Variants in RPN1 observed in about 807,000 individuals in gnomAD.
RPN1 encodes the protein dolichyl-diphosphooligosaccharide--protein glycosyltransferase subunit 1.
Under a neutral mutation model 55.5 loss-of-function variants are expected in RPN1, and 12 were observed. The observed-to-expected ratio is 0.22, with a 90% CI of 0.14 to 0.35. RPN1 has a LOEUF of 0.35. Ranked by LOEUF, RPN1 falls within the 10% of genes least tolerant of loss-of-function variation. The pLI is 1.00. For missense variants in RPN1, 679 were observed against 761.3 expected, an observed-to-expected ratio of 0.89 and a Z score of 1.27; for synonymous variants, 317 against 305.9, an observed-to-expected ratio of 1.04 and a Z score of -0.38.
intron 3 of RPN1, among the ~76,000 whole-genome samples, chr3:128,635,146 A>T (rs908037094): frequency 6.6e-6 from 1 of 152,082 alleles, no homozygotes; most frequent in African/African-American, 2.4e-5. Context: ...AACAATATAC[A>T]TAGGGAGCTA....
chr3:128,622,525 T>G (rs1251300355), intron 8 of RPN1, 116 bp from the exon 9 acceptor site: 4 of 1,351,786 alleles, frequency 3.0e-6, no homozygotes, highest in Non-Finnish European at 2.0e-6. Context: ...GCCACCTTCT[T>G]GGAAAGTCAA....
At chr3:128,633,549 T>C (rs1406949509) in intron 3 of RPN1, among the ~76,000 whole-genome samples, 4 of 152,082 alleles carry the variant, frequency 2.6e-5, no homozygotes, top group Non-Finnish European at 5.9e-5. Context: ...TCCTTCAATT[T>C]GAAAAACATT....
chr3:128,644,756 C>A, intron 2 of RPN1, 163 bp downstream of exon 2: 2 of 644,208 alleles, frequency 3.1e-6, no homozygotes, highest in Non-Finnish European at 5.6e-6. Flanking sequence ...CTCAGGAGTT[C>A]AAGACCAGCC....
chr3:128,646,257 T>A (rs946251309), intron 1 of RPN1, among the ~76,000 whole-genome samples: 3 of 151,478 alleles, frequency 2.0e-5, no homozygotes, highest in Non-Finnish European at 4.4e-5. Context: ...CTCATGGGTT[T>A]TTATTTTTGT....
chr3:128,641,809 C>T (rs2069727842), intron 2 of RPN1, among the ~76,000 whole-genome samples: 1 of 151,918 alleles, frequency 6.6e-6, no homozygotes, highest in South Asian at 2.1e-4. Flanking sequence ...TGGGGTTTCT[C>T]CATGTTGGTC....
intron 1 of RPN1, among the ~76,000 whole-genome samples, chr3:128,646,215 TCCG>T: frequency 8.8e-6 from 1 of 113,374 alleles, no homozygotes; most frequent in East Asian, 2.6e-4. Context: ...AGAGTGAGAC[TCCG>T]TCTCAAAAAA....
At chr3:128,622,718 T>C (rs540430178) in intron 8 of RPN1, among the ~76,000 whole-genome samples, 63 of 151,500 alleles carry the variant, frequency 4.2e-4, no homozygotes, top group African/African-American at 1.3e-3. Flanking sequence ...TATGGTGACA[T>C]CCCATCTCTA....
At position 128,625,928 on chromosome 3, in the gene RPN1, A is replaced by G; in HGVS notation, c.1221T>C (p.Pro407=). ...GATTTTTCTTGTAGGCAACAATCAC[A>G]GGGCGGCCAAATGTGTCCAGATAGG... ...HYTYLDTFGR[P]VIVAYKKNLV... is the part of the protein sequence containing the mutation. Residue 407 remains proline, a synonymous_variant, in exon 7 of 10, where the codon CCT becomes CCC. Coordinates refer to ENST00000296255, the MANE Select transcript of RPN1 (RefSeq NM_002950.4). The G allele has an allele frequency of 6.2e-7, 1 of 1,613,962 alleles. No homozygotes were observed.
At position 128,622,416 on chromosome 3, in the gene RPN1, GAAGGAGAGGCACC is replaced by G; in HGVS notation, c.1396-20_1396-8del. On this transcript the variant is annotated splice_polypyrimidine_tract_variant and splice_region_variant and intron_variant, in intron 8 of 9. Transcript: ENST00000296255. Reference sequence around the variant, plus strand: ...TGGCTTCTGCGGCTGGATCCTGAAGGAAGGAGAGGCACCATGTGTGACAACATCCAGGCTTGGG... The same window carrying G: ...TGGCTTCTGCGGCTGGATCCTGAAGGATGTGTGACAACATCCAGGCTTGGG... 6.2e-7 allele frequency: 1 copy of G among 1,613,974 alleles called. No individual in the cohort carries two copies. The highest frequency in any genetic ancestry group is 8.5e-7 in the Non-Finnish European group (1 of 1,179,970).
intron 6 of RPN1, among the ~76,000 whole-genome samples, chr3:128,626,300 A>G (rs2069599630): frequency 6.6e-6 from 1 of 152,176 alleles, no homozygotes; most frequent in Non-Finnish European, 1.5e-5. Flanking sequence ...GGAGTCACAA[A>G]GTTGACACAG....
intron 1 of RPN1, among the ~76,000 whole-genome samples, chr3:128,648,072 A>T (rs1421879577): frequency 6.6e-6 from 1 of 152,052 alleles, no homozygotes; most frequent in Non-Finnish European, 1.5e-5. Context: ...CAGCCTGACC[A>T]ATATGATGAA....
chr3:128,624,251 G>A (rs750780924), intron 8 of RPN1, among the ~76,000 whole-genome samples: 24 of 152,252 alleles, frequency 1.6e-4, no homozygotes, highest in Non-Finnish European at 2.8e-4. Context: ...TTGGGAGGCC[G>A]AGGCGGGTGG....
At chr3:128,625,064 C>T (rs68090762) in intron 8 of RPN1, among the ~76,000 whole-genome samples, 49,606 of 151,778 alleles carry the variant, frequency 0.33, 8,511 homozygotes, top group Middle Eastern at 0.41. Context: ...AGCAGTGCAG[C>T]CTGGGGAGGA....
rs2069550615 is a variant in RPN1, at chr3:128,620,433, T to A, written c.1802A>T (p.Asp601Val). 1 of 1,613,792 alleles carries A rather than the reference T, an allele frequency of 6.2e-7. No homozygotes were observed. Among genetic ancestry groups the A allele is most frequent in the African/African-American group, 1.3e-5 (1 of 75,004 alleles). ...GGGCTACAGGGCATCCAGGATGTGG[T>A]CGATCTTGGTGACCAGCTCCTGGCG... ...GKRQELVTKI[D>V]HILDAL The change falls in exon 10 of 10, where the codon GAC (aspartate) becomes GTC (valine). Residue 601 changes from aspartate to valine, a missense_variant. Transcript: ENST00000296255.
At chr3:128,622,103 G>A (rs1369264995) in intron 9 of RPN1, 61 bp downstream of exon 9, 1 of 1,566,356 alleles carries the variant, frequency 6.4e-7, no homozygotes, top group Non-Finnish European at 8.8e-7. Context: ...GTCTGCCCTA[G>A]ACAAAGCAGT....
chr3:128,624,672 C>T (rs2069586392), intron 8 of RPN1, among the ~76,000 whole-genome samples: 1 of 151,944 alleles, frequency 6.6e-6, no homozygotes, highest in Admixed American at 6.6e-5. Flanking sequence ...AGCCTTGGGG[C>T]CTCCCAAGTT....
intron 7 of RPN1, 61 bp downstream of exon 7, chr3:128,625,813 G>A: frequency 6.4e-7 from 1 of 1,561,500 alleles, no homozygotes; most frequent in Admixed American, 1.8e-5. Flanking sequence ...GTGAGTTCTT[G>A]GCCCCCAGAG....
At chr3:128,641,756 G>A (rs2069727303) in intron 2 of RPN1, among the ~76,000 whole-genome samples, 1 of 151,738 alleles carries the variant, frequency 6.6e-6, no homozygotes, top group Non-Finnish European at 1.5e-5. Context: ...TTACAGGCAT[G>A]CACCACCACT....
chr3:128,646,139 C>T (rs1368577378), intron 1 of RPN1, among the ~76,000 whole-genome samples: 5 of 141,620 alleles, frequency 3.5e-5, no homozygotes, highest in African/African-American at 1.1e-4. Context: ...AGGAGAATTT[C>T]GTGAATCTGG....
Sources: allele counts gnomAD v4.1 joint callset (sites outside exome capture counted in the v4.1 genomes callset), GRCh38; gene constraint gnomAD v4.1.1; transcripts MANE v1.5; gene names NCBI Gene and HGNC (gene_info 2026-07-23, HGNC 2026-07-21).